Variants in TAFA4 observed in about 807,000 individuals in gnomAD.
TAFA4 encodes the protein chemokine-like protein TAFA-4.
Under a neutral mutation model 21.1 loss-of-function variants are expected in TAFA4, and 20 were observed. The ratio of observed to expected loss-of-function variants is 0.95; its 90% confidence interval spans 0.67 to 1.38. TAFA4 has a LOEUF of 1.38. TAFA4 is among the 40% of genes most tolerant of loss of function. The pLI, the probability that TAFA4 is intolerant of heterozygous loss-of-function variation, is 0.00. For synonymous variants in TAFA4, 71 were observed against 67.4 expected, an observed-to-expected ratio of 1.05 and a Z score of -0.26; for missense variants, 211 against 180.9, an observed-to-expected ratio of 1.17 and a Z score of -0.95.
intron 3 of TAFA4, among the ~76,000 whole-genome samples, chr3:68,856,508 G>C (rs536727916): frequency 1.3e-5 from 2 of 152,030 alleles, no homozygotes; most frequent in African/African-American, 4.8e-5. Flanking sequence ...TCTTCATCTT[G>C]GCCTGTATTT....
chr3:68,905,722 T>G (rs1463871848), intron 1 of TAFA4, among the ~76,000 whole-genome samples: 1 of 152,066 alleles, frequency 6.6e-6, no homozygotes, highest in East Asian at 1.9e-4. Flanking sequence ...AGATCACTAG[T>G]CAGTGCGATC....
intron 1 of TAFA4, among the ~76,000 whole-genome samples, chr3:68,890,542 A>G (rs2089719648): frequency 6.6e-6 from 1 of 152,208 alleles, no homozygotes; most frequent in East Asian, 1.9e-4. Flanking sequence ...CCTGCTAGGA[A>G]CCATGCACTT....
chr3:68,880,538 T>A (rs959456688), intron 3 of TAFA4, among the ~76,000 whole-genome samples, 192 bp downstream of exon 3: 5 of 152,174 alleles, frequency 3.3e-5, no homozygotes, highest in African/African-American at 1.2e-4. Flanking sequence ...TTTAAAAGCC[T>A]GAAAAATATT....
intron 3 of TAFA4, among the ~76,000 whole-genome samples, chr3:68,753,686 C>G (rs1702606409): frequency 6.6e-6 from 1 of 152,088 alleles, no homozygotes. Flanking sequence ...CCAGGTCAGG[C>G]CATTCAGGGC....
At chr3:68,862,893 G>C (rs2089365164) in intron 3 of TAFA4, among the ~76,000 whole-genome samples, 1 of 143,562 alleles carries the variant, frequency 7.0e-6, no homozygotes, top group Non-Finnish European at 1.5e-5. Context: ...TCATTTTGCT[G>C]GAGGTTCCCC....
intron 1 of TAFA4, among the ~76,000 whole-genome samples, chr3:68,902,878 G>A (rs1575665394): frequency 6.6e-6 from 1 of 152,148 alleles, no homozygotes; most frequent in African/African-American, 2.4e-5. Context: ...AACAGATCCT[G>A]CTTGAGAAAA....
chr3:68,821,064 A>T (rs9850052), intron 3 of TAFA4, among the ~76,000 whole-genome samples: 46,152 of 152,110 alleles, frequency 0.3, 7,812 homozygotes, highest in Non-Finnish European at 0.39. Flanking sequence ...TTAGTCACTA[A>T]TGTGCTGTGT....
chr3:68,753,664 A>G (rs1702605851), intron 3 of TAFA4, among the ~76,000 whole-genome samples: 1 of 152,096 alleles, frequency 6.6e-6, no homozygotes, highest in African/African-American at 2.4e-5. Flanking sequence ...GAGGCAGTGT[A>G]GCCTGGATTA....
At chr3:68,846,765 C>T (rs1704810938) in intron 3 of TAFA4, among the ~76,000 whole-genome samples, 2 of 152,286 alleles carry the variant, frequency 1.3e-5, no homozygotes, top group African/African-American at 2.4e-5. Flanking sequence ...TTCCTTCTAA[C>T]AGTCAGGCCC....
chr3:68,825,952 T>C, intron 3 of TAFA4, among the ~76,000 whole-genome samples: 1 of 152,106 alleles, frequency 6.6e-6, no homozygotes, highest in African/African-American at 2.4e-5. Flanking sequence ...AAGGTCAACA[T>C]CACAATGAGG....
chr3:68,854,509 T>G (rs933733137), intron 3 of TAFA4, among the ~76,000 whole-genome samples: 3 of 152,120 alleles, frequency 2.0e-5, no homozygotes, highest in African/African-American at 7.2e-5. Context: ...GCTGCTCTTG[T>G]GAGTTATCTG....
chr3:68,838,378 C>T (rs1173011115), intron 3 of TAFA4, among the ~76,000 whole-genome samples: 1 of 152,222 alleles, frequency 6.6e-6, no homozygotes, highest in East Asian at 1.9e-4. Context: ...TTTCCTTATT[C>T]AAGAAATTAT....
At chr3:68,923,784 G>A (rs1187741647) in intron 1 of TAFA4, among the ~76,000 whole-genome samples, 6 of 151,984 alleles carry the variant, frequency 3.9e-5, no homozygotes, top group African/African-American at 1.2e-4. Context: ...TCCCAACCAC[G>A]CCTGGGCCAT....
At chr3:68,798,775 A>G (rs1703508058) in intron 3 of TAFA4, among the ~76,000 whole-genome samples, 1 of 152,202 alleles carries the variant, frequency 6.6e-6, no homozygotes, top group Non-Finnish European at 1.5e-5. Context: ...TTTTTTACTA[A>G]AATAAAACTA....
In TAFA4 at chr3:68,753,157, A is replaced by G. The variant is rs891819593; in HGVS notation, c.131-139T>C. The stretch of plus-strand genomic sequence containing the variant: ...AGTCTTTGTAACATTTTATTTTGAT[A>G]ACATATTATTTCAAATTTATATAAA... On this transcript the variant is annotated intron_variant, in intron 3 of 5. Transcript: ENST00000295569. 1.2e-5 allele frequency: 9 copies of G among 774,658 alleles called. No homozygotes were observed. In the Admixed American group the frequency reaches 2.4e-4, roughly 21 times the overall value. The allele number at this position is 774,658 out of a possible 1,614,324, so 48.0% of individuals were successfully genotyped here.
rs138906965 is a variant in TAFA4 at position 68,779,654 on chromosome 3, C to A, written c.131-26636G>T. Among the ~76,000 whole-genome samples, 645 of 152,278 alleles carry A rather than the reference C, an allele frequency of 4.2e-3. 6 individuals carry two copies. The highest frequency in any genetic ancestry group is 0.015 in the African/African-American group (623 of 41,548). Reference sequence around the variant, plus strand: ...ATGATGTTGAGCCTGCAGGTGTACACAAGTCAAGAATTGAGGTTTGAGAAC... The same window carrying A: ...ATGATGTTGAGCCTGCAGGTGTACAAAAGTCAAGAATTGAGGTTTGAGAAC... On this transcript the variant is annotated intron_variant, in intron 3 of 5. Coordinates refer to ENST00000295569, the MANE Select transcript of TAFA4 (RefSeq NM_182522.5).
At chr3:68,864,613 A>G (rs552988362) in intron 3 of TAFA4, among the ~76,000 whole-genome samples, 1 of 152,282 alleles carries the variant, frequency 6.6e-6, no homozygotes, top group East Asian at 1.9e-4. Context: ...GAAAAATGAA[A>G]CCATATGTCT....
At chr3:68,746,940 G>A (rs1702470051) in intron 4 of TAFA4, among the ~76,000 whole-genome samples, 1 of 152,064 alleles carries the variant, frequency 6.6e-6, no homozygotes, top group Admixed American at 6.6e-5. Context: ...AAGATGTAAG[G>A]CAGCACTTCC....
At chr3:68,812,816 C>G (rs897597307) in intron 3 of TAFA4, among the ~76,000 whole-genome samples, 2 of 152,222 alleles carry the variant, frequency 1.3e-5, no homozygotes, top group African/African-American at 2.4e-5. Flanking sequence ...AGCTCTGCAC[C>G]AAGCAGACCT....
Sources: gnomAD v4.1 joint callset for allele counts (sites outside exome capture counted in the v4.1 genomes callset) on GRCh38, gnomAD v4.1.1 for gene constraint, MANE v1.5 for transcripts, NCBI Gene and HGNC (gene_info 2026-07-23, HGNC 2026-07-21) for gene names.